DOCK10: variants seen among roughly 807,000 people sequenced by gnomAD.
DOCK10 encodes dedicator of cytokinesis 10.
Under a neutral mutation model 280.1 loss-of-function variants are expected in DOCK10, and 145 were observed. That is an observed-to-expected ratio of 0.52 (90% CI 0.45 to 0.59). The LOEUF is 0.59. DOCK10 is among the 20% of genes least tolerant of loss of function. The pLI is 0.00. For synonymous variants in DOCK10, 915 were observed against 942.2 expected (o/e 0.97, Z 0.53); for missense variants, 2,368 against 2,651.7 (o/e 0.89, Z 2.35).
At chr2:225,019,184 T>A (rs1689717657) in intron 1 of DOCK10, among the ~76,000 whole-genome samples, 1 of 152,066 alleles carries the variant, frequency 6.6e-6, no homozygotes, top group Admixed American at 6.6e-5. Flanking sequence ...TAGCATTTGG[T>A]CCTCAGGTTC....
At chr2:224,824,544 G>A (rs1176698465) in intron 27 of DOCK10, among the ~76,000 whole-genome samples, 1 of 136,416 alleles carries the variant, frequency 7.3e-6, no homozygotes, top group Non-Finnish European at 1.5e-5. Flanking sequence ...TTAAGTAATT[G>A]TCCCACCTCA....
chr2:224,811,055 G>A (rs1009506664), intron 31 of DOCK10, among the ~76,000 whole-genome samples: 1 of 152,034 alleles, frequency 6.6e-6, no homozygotes, highest in Non-Finnish European at 1.5e-5. Flanking sequence ...CTGAGGAATC[G>A]CCACACTGAC....
chr2:224,845,406 G>A lies in DOCK10; in HGVS notation c.2360-82C>T, dbSNP rs547960208. 135 of 1,527,596 alleles carry A rather than the reference G, an allele frequency of 8.8e-5. 2 individuals are homozygous for A. The South Asian group carries it at 1.1e-3, about 13-fold the overall frequency. The allele number at this position is 1,527,596 out of a possible 1,614,324, so 94.6% of individuals were successfully genotyped here. ...CACAATAATGCTATTTATTATTTAC[G>A]AACACTAAATTTCATGAAAAATAAT... On this transcript the variant is annotated intron_variant, in intron 20 of 55. Transcript: ENST00000258390.
At chr2:224,994,464 G>A (rs1706212804) in intron 1 of DOCK10, among the ~76,000 whole-genome samples, 1 of 152,218 alleles carries the variant, frequency 6.6e-6, no homozygotes, top group Admixed American at 6.5e-5. Flanking sequence ...CAAAAAGTGG[G>A]AGACACTGTC....
At chr2:224,873,594 CAAAA>C (rs35401247) in intron 11 of DOCK10, among the ~76,000 whole-genome samples, 1 of 33,660 alleles carries the variant, frequency 3.0e-5, no homozygotes, top group Non-Finnish European at 5.6e-5. Context: ...AAGACCATCT[CAAAA>C]AAAAAAAAAA....
chr2:224,834,191 A>C lies in DOCK10; in HGVS notation c.2923T>G (p.Leu975Val). Residue 975 changes from leucine (L) to valine (V), a missense_variant, in exon 26 of 56, where the codon TTG (leucine) becomes GTG (valine). Around this residue, in one of 2 missense-constraint regions of DOCK10, gnomAD observed 1,209 missense variants for 1,250.9 expected, o/e 0.97. Coordinates refer to ENST00000258390, the MANE Select transcript of DOCK10 (RefSeq NM_014689.3). ...EELAKNVTGL[L>V]KSNDSTTVKH... Reference sequence around the variant, plus strand: ...ACTGTTGTTGAGTCATTTGATTTCAAAAGACCAGTCACATTTTTAGCCAGT... The same window carrying C: ...ACTGTTGTTGAGTCATTTGATTTCACAAGACCAGTCACATTTTTAGCCAGT... 1 of 1,613,588 alleles carries C rather than the reference A, an allele frequency of 6.2e-7. No homozygotes were observed. The highest frequency in any genetic ancestry group is 8.5e-7 in the Non-Finnish European group (1 of 1,179,538).
chr2:225,023,395 A>C (rs1190594375), intron 1 of DOCK10, among the ~76,000 whole-genome samples: 1 of 152,138 alleles, frequency 6.6e-6, no homozygotes, highest in Non-Finnish European at 1.5e-5. Flanking sequence ...ATGAATGCAA[A>C]TCTCCCAAGT....
chr2:224,939,436 T>G (rs1042584696), intron 1 of DOCK10, among the ~76,000 whole-genome samples: 1 of 152,234 alleles, frequency 6.6e-6, no homozygotes, highest in Admixed American at 6.5e-5. Flanking sequence ...CATTTTTGTA[T>G]AGCAAATAAA....
chr2:225,035,414 G>C (rs1463934519), intron 1 of DOCK10, among the ~76,000 whole-genome samples: 1 of 151,270 alleles, frequency 6.6e-6, no homozygotes, highest in South Asian at 2.1e-4. Flanking sequence ...ATGACTGTGA[G>C]AGAGAAAAAC....
chr2:224,778,282 G>T lies in DOCK10; in HGVS notation c.5658C>A (p.Gly1886=), dbSNP rs757064081. 39 of 1,600,254 alleles carry T rather than the reference G, an allele frequency of 2.4e-5. No individual in the cohort carries two copies. The highest frequency in any genetic ancestry group is 3.2e-5 in the Non-Finnish European group (38 of 1,172,470). The part of the protein sequence containing the change: ...RYYRVAFYGQ[G]FFEEEEGKEY... Reference sequence around the variant, plus strand: ...CTTTACCTTCTTCTTCTTCAAAAAAGCCCTATGGAACATAATGAACCACCA... The same window carrying T: ...CTTTACCTTCTTCTTCTTCAAAAAATCCCTATGGAACATAATGAACCACCA... Residue 1886 remains glycine, a splice_region_variant and synonymous_variant, in exon 51 of 56, where the codon GGC becomes GGA. Coordinates refer to ENST00000258390, the MANE Select transcript of DOCK10 (RefSeq NM_014689.3).
intron 47 of DOCK10, 121 bp from the exon 48 acceptor site, chr2:224,789,291 G>A: frequency 1.6e-6 from 1 of 627,654 alleles, no homozygotes; most frequent in South Asian, 2.1e-5. Flanking sequence ...CAATCAACAA[G>A]ATGGTTAGAT....
Position 224,805,181 on chromosome 2 carries a change from A to C in DOCK10, c.4051+25T>G. ...TGAAGGTTTTCTTTTTCCTTTTTTC[A>C]AAAAAATTAAAGAATTCTCTTTACC... On this transcript the variant is annotated intron_variant, in intron 36 of 55. Transcript: ENST00000258390. This position sits in a 1 kb window ranked among gnomAD's most constrained non-coding sequence, Gnocchi z 4.3. The C allele has an allele frequency of 6.3e-7, 1 of 1,596,702 alleles. No individual in the cohort carries two copies. Among genetic ancestry groups the C allele is most frequent in the Non-Finnish European group, 8.5e-7 (1 of 1,174,202 alleles).
rs149389915 is a variant in DOCK10 at position 224,967,172 on chromosome 2, C to T, written c.124-35504G>A. ...TCGGCTCACTGCAAGCTCCACCTCC[C>T]GGGTTCACGCCATTCTTCTGCCTCA... On this transcript the variant is annotated intron_variant, in intron 1 of 55. Transcript: ENST00000258390. Among the ~76,000 whole-genome samples the T allele has an allele frequency of 1.3e-3, 198 of 152,030 alleles. 2 individuals carry two copies. The highest frequency in any genetic ancestry group is 6.8e-3 in the Middle Eastern group (2 of 294).
intron 23 of DOCK10, among the ~76,000 whole-genome samples, chr2:224,840,801 T>C: frequency 6.6e-6 from 1 of 152,196 alleles, no homozygotes; most frequent in African/African-American, 2.4e-5. Flanking sequence ...GCTGAAGATG[T>C]CTATTCCCAT....
At chr2:224,938,877 G>A (rs1026210234) in intron 1 of DOCK10, among the ~76,000 whole-genome samples, 1 of 152,190 alleles carries the variant, frequency 6.6e-6, no homozygotes, top group Non-Finnish European at 1.5e-5. Context: ...TTGAGCTTCT[G>A]AAAACAAGGC....
intron 22 of DOCK10, among the ~76,000 whole-genome samples, chr2:224,842,593 G>A (rs78812526): frequency 0.014 from 2,191 of 151,126 alleles, 62 homozygotes; most frequent in African/African-American, 0.05. Context: ...GTGTGTGCGC[G>A]TGTGTGTGTG....
Position 224,797,995 on chromosome 2 carries a change from C to G in DOCK10, c.4507-26G>C, listed in dbSNP as rs755995793. On this transcript the variant is annotated intron_variant, in intron 41 of 55. Transcript: ENST00000258390. ...CTGGAAATTCAATGCAGATGTTATT[C>G]AGGATAAGTGAAAGAAAATTTTCAT... 9 of 1,608,456 alleles carry G rather than the reference C, an allele frequency of 5.6e-6. No individual in the cohort carries two copies. In the East Asian group the frequency reaches 1.8e-4, roughly 32 times the overall value.
At chr2:224,819,094 T>C (rs1392761902) in intron 29 of DOCK10, among the ~76,000 whole-genome samples, 1 of 152,288 alleles carries the variant, frequency 6.6e-6, no homozygotes, top group Admixed American at 6.5e-5. Flanking sequence ...AACTGTCCCA[T>C]TTTGCCCAGG....
chr2:225,020,736 T>G (rs958461377), intron 1 of DOCK10, among the ~76,000 whole-genome samples: 7 of 152,150 alleles, frequency 4.6e-5, no homozygotes, highest in African/African-American at 1.7e-4. Flanking sequence ...ATCTTCACCT[T>G]CAGAAATCCA....
Sources: allele counts gnomAD v4.1 joint callset (sites outside exome capture counted in the v4.1 genomes callset), GRCh38; gene constraint gnomAD v4.1.1; regional missense constraint gnomAD v4.1.1; non-coding constraint Gnocchi (gnomAD v3.1); transcripts MANE v1.5; gene names NCBI Gene and HGNC (gene_info 2026-07-23, HGNC 2026-07-21).